ZC3H11A: variants seen among roughly 807,000 people sequenced by gnomAD.
ZC3H11A encodes zinc finger CCCH domain-containing protein 11A.
A neutral mutation model predicts 90.8 loss-of-function variants in ZC3H11A; 22 were observed. The observed-to-expected ratio is 0.24, with a 90% confidence interval of 0.17 to 0.35. The LOEUF is 0.35. ZC3H11A is among the 10% of genes least tolerant of loss of function. The pLI is 1.00. For synonymous variants in ZC3H11A, 294 were observed against 339.8 expected (o/e 0.87, Z 1.48); for missense variants, 701 against 964.9 (o/e 0.73, Z 3.62).
At chr1:203,829,700 CAT>C (rs767717362) in intron 6 of ZC3H11A, 46 bp downstream of exon 6, 17 of 1,612,654 alleles carry the variant, frequency 1.1e-5, no homozygotes, top group East Asian at 2.2e-5. Context: ...AATAGGGTCT[CAT>C]AGTGAATTGG....
At chr1:203,850,471 G>C (rs751052997) in intron 15 of ZC3H11A, 44 bp from the exon 16 acceptor site, 1 of 1,606,780 alleles carries the variant, frequency 6.2e-7, no homozygotes, top group East Asian at 2.2e-5. Flanking sequence ...CCATTTAAAA[G>C]AGTCTATTCT....
intron 4 of ZC3H11A, among the ~76,000 whole-genome samples, chr1:203,820,988 T>G (rs548008162): frequency 6.6e-6 from 1 of 152,174 alleles, no homozygotes; most frequent in African/African-American, 2.4e-5. Context: ...TCCCCGTTAT[T>G]GATGTGAATT....
At chr1:203,832,458 T>G (rs1277766591) in intron 9 of ZC3H11A, among the ~76,000 whole-genome samples, 1 of 152,112 alleles carries the variant, frequency 6.6e-6, no homozygotes, top group African/African-American at 2.4e-5. Flanking sequence ...CCTCCCAGGT[T>G]CAAGTGATTC....
At chr1:203,850,259 C>A in intron 15 of ZC3H11A, 3 of 651,398 alleles carry the variant, frequency 4.6e-6, no homozygotes, top group Non-Finnish European at 7.9e-6. Flanking sequence ...TATGGTGCAT[C>A]TTTCCTCTGG....
intron 3 of ZC3H11A, among the ~76,000 whole-genome samples, chr1:203,817,719 T>TA (rs1177121839): frequency 1.3e-5 from 2 of 152,012 alleles, no homozygotes; most frequent in Non-Finnish European, 1.5e-5. Context: ...ACGTATATGT[T>TA]AAAAAAATTT....
intron 10 of ZC3H11A, 137 bp downstream of exon 10, chr1:203,833,990 G>A: frequency 2.2e-6 from 3 of 1,368,034 alleles, no homozygotes; most frequent in Non-Finnish European, 1.9e-6. Context: ...AATTCCTCAT[G>A]TTTTCATGAG....
chr1:203,837,304 A>AG (rs61068785), intron 10 of ZC3H11A, among the ~76,000 whole-genome samples: 58 of 150,114 alleles, frequency 3.9e-4, no homozygotes, highest in African/African-American at 1.3e-3. Context: ...AAAAAAAAAA[A>AG]GGGTTCTTTT....
chr1:203,798,508 C>T, intron 1 of ZC3H11A: 1 of 1,536,122 alleles, frequency 6.5e-7, no homozygotes. Flanking sequence ...GGTGCTGTTG[C>T]AAATGGATTA....
chr1:203,806,112 T>A, intron 2 of ZC3H11A: 1 of 499,364 alleles, frequency 2.0e-6, no homozygotes, highest in South Asian at 1.5e-5. Flanking sequence ...TAGGACCCCC[T>A]CTCATCTTGA....
intron 1 of ZC3H11A, chr1:203,796,395 C>G (rs1217544814): frequency 5.0e-6 from 2 of 399,096 alleles, no homozygotes; most frequent in Non-Finnish European, 8.8e-6. Context: ...CACTCCCACC[C>G]CTGGCCCTCA....
rs1375115780 is a variant in ZC3H11A, at chr1:203,853,081, C to T, written c.*682C>T. On this transcript the variant is annotated 3_prime_UTR_variant, in exon 18 of 18. Coordinates refer to ENST00000367210, the MANE Select transcript of ZC3H11A (RefSeq NM_001376342.1). ...AGGCTTTAAAGTGCCTCAGGGGTCC[C>T]CTGAAACTAATTTTCTATTTCTGGG... 1.3e-5 allele frequency: 2 copies of T among 151,490 alleles called. No homozygotes were observed. Among genetic ancestry groups the T allele is most frequent in the Non-Finnish European group, 2.9e-5 (2 of 67,812 alleles). The allele number at this position is 151,490 out of a possible 1,614,324, so 9.4% of individuals were successfully genotyped here. A position where few individuals can be genotyped will look rare whatever the true frequency, so the allele number is the denominator to read the frequency against.
intron 12 of ZC3H11A, among the ~76,000 whole-genome samples, chr1:203,845,210 T>G (rs1345970288): frequency 6.6e-6 from 1 of 152,220 alleles, no homozygotes; most frequent in Non-Finnish European, 1.5e-5. Context: ...AGTGACATCC[T>G]TATTTCTCAT....
intron 9 of ZC3H11A, among the ~76,000 whole-genome samples, chr1:203,832,889 C>G (rs1177735341): frequency 6.6e-6 from 1 of 152,170 alleles, no homozygotes; most frequent in African/African-American, 2.4e-5. Flanking sequence ...AGCTTTATAA[C>G]CAATTGGTTA....
At position 203,853,496 on chromosome 1, in the gene ZC3H11A, G is replaced by C. The variant is rs1558151097; in HGVS notation, c.*1097G>C. On this transcript the variant is annotated 3_prime_UTR_variant, in exon 18 of 18. Coordinates refer to ENST00000367210, the MANE Select transcript of ZC3H11A (RefSeq NM_001376342.1). ...TTCCTTCATATCACCTCAAGGTTTA[G>C]ATTTGTGAAGGAATAAGCATGATGG... The C allele has an allele frequency of 6.6e-6, 1 of 152,506 alleles. No individual in the cohort carries two copies. Among genetic ancestry groups the C allele is most frequent in the Non-Finnish European group, 1.5e-5 (1 of 68,014 alleles). The allele number at this position is 152,506 out of a possible 1,614,324, so 9.4% of individuals were successfully genotyped here. A position where few individuals can be genotyped will look rare whatever the true frequency, so the allele number is the denominator to read the frequency against.
rs576471050 is a variant in ZC3H11A, at chr1:203,797,681, T to C, written c.-1588+1887T>C. The C allele has an allele frequency of 7.8e-6, 12 of 1,535,788 alleles. No individual in the cohort carries two copies. In the African/African-American group the frequency reaches 1.6e-4, roughly 21 times the overall value. ...AAAAGATGGTAGCAGAAGGAGTGAA[T>C]AAAGAGGCAAAACAGCCTGCTAAAA... On this transcript the variant is annotated intron_variant, in intron 1 of 17. Transcript: ENST00000367210.
chr1:203,843,659 C>T (rs1239909405), intron 12 of ZC3H11A, among the ~76,000 whole-genome samples: 1 of 152,116 alleles, frequency 6.6e-6, no homozygotes, highest in Non-Finnish European at 1.5e-5. Context: ...TGTGTTCTAG[C>T]AAAACTTCAT....
Position 203,815,216 on chromosome 1 carries a change from C to CTTTCT in ZC3H11A, c.-145-1707_-145-1706insCTTTT, listed in dbSNP as rs767809337. Among the ~76,000 whole-genome samples, 625 of 97,124 alleles carry CTTTCT rather than the reference C, an allele frequency of 6.4e-3. 17 individuals are homozygous for CTTTCT. Among genetic ancestry groups the CTTTCT allele is most frequent in the African/African-American group, 0.023 (586 of 25,764 alleles). The allele number at this position is 97,124 out of a possible 152,430, so 63.7% of individuals were successfully genotyped here. On this transcript the variant is annotated intron_variant, in intron 2 of 17. Transcript: ENST00000367210. ...TTCATTATTTTCTTCCTTTTCTTTT[C>CTTTCT]TTTTTTTTTTTTTTTTGAGACAGTG...
chr1:203,842,249 G>T (rs906337524), intron 12 of ZC3H11A, among the ~76,000 whole-genome samples: 2 of 152,160 alleles, frequency 1.3e-5, no homozygotes, highest in Non-Finnish European at 2.9e-5. Flanking sequence ...AAGGCAGGCG[G>T]CTGGGAGGTG....
At chr1:203,843,639 T>A (rs1687093939) in intron 12 of ZC3H11A, among the ~76,000 whole-genome samples, 1 of 152,200 alleles carries the variant, frequency 6.6e-6, no homozygotes, top group Non-Finnish European at 1.5e-5. Flanking sequence ...TGTAAATGAA[T>A]GACTGCTGGT....
Sources: allele counts gnomAD v4.1 joint callset (sites outside exome capture counted in the v4.1 genomes callset), GRCh38; gene constraint gnomAD v4.1.1; transcripts MANE v1.5; gene names NCBI Gene and HGNC (gene_info 2026-07-23, HGNC 2026-07-21).